The following FAT1 variants were observed in gnomAD, a reference collection of about 807,000 sequenced individuals.
FAT1 encodes FAT atypical cadherin 1, also known as protocadherin Fat 1.
A neutral mutation model predicts 329.8 loss-of-function variants in FAT1; 171 were observed. That is an observed-to-expected ratio of 0.52 (90% confidence interval 0.46 to 0.59). FAT1 has a LOEUF of 0.59. Ranked by LOEUF, FAT1 falls within the 20% of genes least tolerant of loss-of-function variation. FAT1 has a pLI of 0.00. For missense variants in FAT1, 5,672 were observed against 5,774.4 expected (o/e 0.98, Z 0.57); for synonymous variants, 2,233 against 2,228.6 (o/e 1.00, Z -0.06).
At chr4:186,626,430 T>C (rs79002483) in intron 9 of FAT1, among the ~76,000 whole-genome samples, 33 of 26,360 alleles carry the variant, frequency 1.3e-3, no homozygotes, top group Admixed American at 3.3e-3. Flanking sequence ...TTCATCAGCC[T>C]ACAGAATGAA....
chr4:186,604,162 A>G (rs1395691860), intron 18 of FAT1, among the ~76,000 whole-genome samples, 185 bp from the exon 19 acceptor site: 1 of 152,230 alleles, frequency 6.6e-6, no homozygotes, highest in East Asian at 1.9e-4. Flanking sequence ...TTCACACTGA[A>G]ACCCAGCTCT....
chr4:186,716,222 A>G (rs1010955235), intron 1 of FAT1, among the ~76,000 whole-genome samples: 20 of 152,118 alleles, frequency 1.3e-4, no homozygotes, highest in African/African-American at 4.6e-4. Flanking sequence ...GACATTATTA[A>G]ACTTTTCATT....
rs373515547 is a variant in FAT1 at position 186,588,601 on chromosome 4, C to G, written c.13758G>C (p.Thr4586=). Residue 4586 remains threonine, a synonymous_variant, in exon 27 of 27, where the codon ACG becomes ACC. Transcript: ENST00000441802. ...TGGGGGGAGTTGAGAGTCAGACTTC[C>G]GTGTGCTGCTGGGAATCCAGGGGCG... ...TIPPLDSQQH[T]EV The G allele has an allele frequency of 7.8e-5, 126 of 1,609,860 alleles. No homozygotes were observed. The Middle Eastern group carries it at 1.1e-3, about 14-fold the overall frequency.
chr4:186,670,979 G>A (rs1262174478), intron 2 of FAT1, among the ~76,000 whole-genome samples: 2 of 152,128 alleles, frequency 1.3e-5, no homozygotes, highest in African/African-American at 2.4e-5. Flanking sequence ...CATGTAAGAT[G>A]TCAACAACGT....
intron 14 of FAT1, among the ~76,000 whole-genome samples, chr4:186,610,740 A>T (rs1739409128): frequency 7.0e-6 from 1 of 142,174 alleles, no homozygotes; most frequent in Admixed American, 7.2e-5. Context: ...ATAAATTTAT[A>T]TAATTTATAT....
At chr4:186,669,334 G>A (rs1420485884) in intron 2 of FAT1, among the ~76,000 whole-genome samples, 4 of 152,202 alleles carry the variant, frequency 2.6e-5, no homozygotes, top group South Asian at 2.1e-4. Flanking sequence ...GGAGGTTGCC[G>A]TGCACACGCA....
intron 16 of FAT1, among the ~76,000 whole-genome samples, chr4:186,608,438 G>T: frequency 6.6e-6 from 1 of 152,072 alleles, no homozygotes; most frequent in East Asian, 1.9e-4. Flanking sequence ...TGGAGGCAGG[G>T]TCTCACTATG....
intron 1 of FAT1, among the ~76,000 whole-genome samples, chr4:186,712,861 A>C (rs991937083): frequency 1.3e-5 from 2 of 152,134 alleles, no homozygotes; most frequent in Non-Finnish European, 2.9e-5. Context: ...GCAGAAAGTC[A>C]CACCCCGCAG....
At chr4:186,591,957 T>A (rs756155466) in intron 26 of FAT1, among the ~76,000 whole-genome samples, 1 of 152,166 alleles carries the variant, frequency 6.6e-6, no homozygotes, top group Non-Finnish European at 1.5e-5. Flanking sequence ...CAGAGCTACC[T>A]GGGAACTGGT....
At chr4:186,655,502 T>G (rs1438641896) in intron 3 of FAT1, among the ~76,000 whole-genome samples, 2 of 152,004 alleles carry the variant, frequency 1.3e-5, no homozygotes, top group African/African-American at 4.8e-5. Flanking sequence ...TGGAGTGATC[T>G]CGGCTCGCTG....
chr4:186,628,249 T>C lies in FAT1; in HGVS notation c.4715A>G (p.Tyr1572Cys), dbSNP rs1740415942. Residue 1572 changes from tyrosine to cysteine, a missense_variant, in exon 9 of 27, where the codon TAT becomes TGT. By Grantham distance (194) the Tyr-to-Cys change is radical (BLOSUM62 -2). Transcript: ENST00000441802. ...AACTGAGCCAACGGCTGCCGATTCA[T>C]AAACCCGCCCTTTGTAGGAGGAAGC... ...FTASSYKGRV[Y>C]ESAAVGSVVL... 1 of 1,613,844 alleles carries C rather than the reference T, an allele frequency of 6.2e-7. No individual in the cohort carries two copies. The highest frequency in any genetic ancestry group is 1.3e-5 in the African/African-American group (1 of 74,930).
intron 17 of FAT1, among the ~76,000 whole-genome samples, chr4:186,605,234 A>G (rs1285341661): frequency 7.0e-6 from 1 of 142,468 alleles, no homozygotes; most frequent in African/African-American, 2.8e-5. Flanking sequence ...AAAAAAAAAA[A>G]AGAGGAAGAG....
chr4:186,676,174 A>G (rs1742949203), intron 2 of FAT1, among the ~76,000 whole-genome samples: 1 of 152,142 alleles, frequency 6.6e-6, no homozygotes, highest in Non-Finnish European at 1.5e-5. Flanking sequence ...TCTTTTACAC[A>G]AAGACCAAAC....
intron 2 of FAT1, among the ~76,000 whole-genome samples, chr4:186,702,447 T>C (rs1744376391): frequency 6.6e-6 from 1 of 152,096 alleles, no homozygotes; most frequent in South Asian, 2.1e-4. Context: ...ATACTAACAT[T>C]AACAGCCAAA....
At chr4:186,602,624 A>C (rs1384214367) in intron 20 of FAT1, among the ~76,000 whole-genome samples, 1 of 152,200 alleles carries the variant, frequency 6.6e-6, no homozygotes, top group Non-Finnish European at 1.5e-5. Context: ...TTGAATTTCC[A>C]GGAAAATTAA....
intron 3 of FAT1, among the ~76,000 whole-genome samples, chr4:186,646,401 G>T (rs1741386493): frequency 6.6e-6 from 1 of 152,118 alleles, no homozygotes; most frequent in African/African-American, 2.4e-5. Flanking sequence ...GAAAAGCACT[G>T]TCCAACAGAA....
At chr4:186,701,626 A>T (rs1365062221) in intron 2 of FAT1, among the ~76,000 whole-genome samples, 1 of 152,156 alleles carries the variant, frequency 6.6e-6, no homozygotes, top group Non-Finnish European at 1.5e-5. Flanking sequence ...GCAGCCACCC[A>T]GCTCTCAGCC....
In FAT1 at chr4:186,708,562, A is replaced by T. The variant is rs757908054; in HGVS notation, c.1266T>A (p.Ile422=). The change falls in exon 2 of 27, where the codon ATT becomes ATA. Residue 422 remains isoleucine, a synonymous_variant. Transcript: ENST00000441802. The stretch of plus-strand genomic sequence containing the variant: ...CCTGCTGTCTTTTAACTGGTTCTAA[A>T]ATAGAAATGAGACCAGTGTTGTAAT... ...SLNYNTGLIS[I]LEPVKRQQAA... is the part of the protein sequence containing the mutation. The T allele has an allele frequency of 8.1e-6, 13 of 1,613,862 alleles. 1 individual carries two copies. Among genetic ancestry groups the T allele is most frequent in the Non-Finnish European group, 9.3e-6 (11 of 1,179,898 alleles).
rs182860271 is a variant in FAT1, at chr4:186,670,137, A to G, written c.3266-6524T>C. 3.7e-4 allele frequency among the ~76,000 whole-genome samples: 57 copies of G among 152,296 alleles called. 1 individual carries two copies. Among genetic ancestry groups the G allele is most frequent in the East Asian group, 2.5e-3 (13 of 5,176 alleles). The stretch of plus-strand genomic sequence containing the variant: ...CTATTTTAACAGGTCTTGGCCCCCA[A>G]TCAAGCCTTAATGCCAAGGCTTTCA... On this transcript the variant is annotated intron_variant, in intron 2 of 26. Transcript: ENST00000441802.
Sources: gnomAD v4.1 joint callset for allele counts (sites outside exome capture counted in the v4.1 genomes callset) on GRCh38, gnomAD v4.1.1 for gene constraint, MANE v1.5 for transcripts, NCBI Gene and HGNC (gene_info 2026-07-23, HGNC 2026-07-21) for gene names.